Variants in EXT1 observed in about 807,000 individuals in gnomAD.
EXT1 encodes the protein exostosin-1.
A neutral mutation model predicts 82.5 loss-of-function variants in EXT1; 20 were observed. That is an observed-to-expected ratio of 0.24 (90% CI 0.17 to 0.35). EXT1 has a LOEUF of 0.35. EXT1 is among the 10% of genes least tolerant of loss of function. The probability of loss-of-function intolerance (pLI) is 1.00; values close to 1 mark genes in which losing one functional copy is unlikely to be tolerated. For missense variants in EXT1, 757 were observed against 936.5 expected, an observed-to-expected ratio of 0.81 and a Z score of 2.50; for synonymous variants, 348 against 350.8, an observed-to-expected ratio of 0.99 and a Z score of 0.09.
chr8:118,093,268 C>CAAAAAAAAAAAAAAAAAAAAAA (rs10594150), intron 1 of EXT1, among the ~76,000 whole-genome samples: 1 of 66,784 alleles, frequency 1.5e-5, no homozygotes, highest in African/African-American at 6.3e-5. Flanking sequence ...AAATTCCCAG[C>CAAAAAAAAAAAAAAAAAAAAAA]AAAAAAAAAA....
intron 1 of EXT1, among the ~76,000 whole-genome samples, chr8:117,975,193 G>A (rs1418067609): frequency 2.0e-5 from 3 of 152,274 alleles, no homozygotes; most frequent in African/African-American, 7.2e-5. Flanking sequence ...TCTTTGGAAT[G>A]AGCCAAAAGT....
intron 1 of EXT1, among the ~76,000 whole-genome samples, chr8:118,032,412 T>C (rs891529336): frequency 3.3e-5 from 5 of 151,994 alleles, no homozygotes; most frequent in Admixed American, 6.6e-5. Flanking sequence ...AAAGATTTTT[T>C]TCAGGGTCTG....
intron 1 of EXT1, among the ~76,000 whole-genome samples, chr8:118,009,026 G>A (rs180801612): frequency 2.6e-5 from 4 of 152,222 alleles, no homozygotes; most frequent in Non-Finnish European, 5.9e-5. Flanking sequence ...AAAAGGAAAC[G>A]GGAAAGTAGG....
chr8:117,998,177 C>T (rs1815587702), intron 1 of EXT1, among the ~76,000 whole-genome samples: 1 of 151,884 alleles, frequency 6.6e-6, no homozygotes, highest in African/African-American at 2.4e-5. Context: ...ACATGCCCGG[C>T]TAATTTTTGT....
rs1036390825 is a variant in EXT1, at chr8:117,810,442, C to A, written c.1722+2430G>T. ...TATCATTTTCAACCCACGTTGACTTCTAATTACTTCACATACAACACATGT... is the reference window on the plus strand; with the variant it reads ...TATCATTTTCAACCCACGTTGACTTATAATTACTTCACATACAACACATGT... On this transcript the variant is annotated intron_variant, in intron 8 of 10. Transcript: ENST00000378204. Among the ~76,000 whole-genome samples the A allele has an allele frequency of 2.0e-5, 3 of 152,242 alleles. No individual in the cohort carries two copies. In the South Asian group the frequency reaches 6.2e-4, roughly 32 times the overall value.
At chr8:117,818,657 G>A in intron 6 of EXT1, 127 bp from the exon 7 acceptor site, 1 of 759,916 alleles carries the variant, frequency 1.3e-6, no homozygotes, top group Non-Finnish European at 2.3e-6. Flanking sequence ...CAAAACGGCA[G>A]ACATCAAAAC....
At chr8:117,817,730 T>C (rs1014470286) in intron 7 of EXT1, among the ~76,000 whole-genome samples, 6 of 151,952 alleles carry the variant, frequency 3.9e-5, no homozygotes, top group Non-Finnish European at 8.8e-5. Flanking sequence ...TCAAATGTAG[T>C]AGGGGGCAGG....
At chr8:117,891,615 T>C (rs1208544655) in intron 1 of EXT1, among the ~76,000 whole-genome samples, 6 of 152,172 alleles carry the variant, frequency 3.9e-5, no homozygotes, top group Non-Finnish European at 8.8e-5. Flanking sequence ...ATGCTTTTCC[T>C]ATGAACTCAA....
At chr8:117,979,539 A>G (rs367943003) in intron 1 of EXT1, among the ~76,000 whole-genome samples, 1 of 152,132 alleles carries the variant, frequency 6.6e-6, no homozygotes, top group African/African-American at 2.4e-5. Flanking sequence ...AAAAATGAAA[A>G]AAAAAAAATC....
intron 1 of EXT1, among the ~76,000 whole-genome samples, chr8:118,096,711 G>A (rs1273424769): frequency 6.7e-6 from 1 of 149,286 alleles, no homozygotes. Flanking sequence ...AAGGAGGGAG[G>A]GAAGGAAAGG....
chr8:117,965,830 T>G (rs1043414553), intron 1 of EXT1, among the ~76,000 whole-genome samples: 4 of 152,172 alleles, frequency 2.6e-5, no homozygotes, highest in African/African-American at 7.2e-5. Flanking sequence ...GTGCTAACTA[T>G]TCACGTAGAT....
intron 1 of EXT1, among the ~76,000 whole-genome samples, chr8:117,963,551 C>T (rs1465969116): frequency 6.6e-6 from 1 of 152,020 alleles, no homozygotes; most frequent in East Asian, 1.9e-4. Context: ...ACTGCAGTGC[C>T]AGGATCTCAA....
At chr8:117,843,991 G>C (rs919005351) in intron 1 of EXT1, among the ~76,000 whole-genome samples, 2 of 152,002 alleles carry the variant, frequency 1.3e-5, no homozygotes, top group African/African-American at 4.8e-5. Flanking sequence ...CAATTTAAAA[G>C]GGCTGTTTCT....
At chr8:117,963,934 C>A (rs906469830) in intron 1 of EXT1, among the ~76,000 whole-genome samples, 12 of 152,238 alleles carry the variant, frequency 7.9e-5, no homozygotes, top group African/African-American at 2.9e-4. Context: ...TTACATGCAA[C>A]CCACATCCCC....
At chr8:118,017,082 A>T (rs1816017396) in intron 1 of EXT1, among the ~76,000 whole-genome samples, 1 of 152,234 alleles carries the variant, frequency 6.6e-6, no homozygotes, top group Non-Finnish European at 1.5e-5. Context: ...TCCCAGACGG[A>T]CCGGTATAAT....
At chr8:118,091,195 G>A (rs1817518428) in intron 1 of EXT1, among the ~76,000 whole-genome samples, 1 of 152,160 alleles carries the variant, frequency 6.6e-6, no homozygotes, top group South Asian at 2.1e-4. Context: ...TAGACAATAC[G>A]ATGCAGCTCA....
intron 1 of EXT1, among the ~76,000 whole-genome samples, chr8:117,993,343 A>G (rs772819090): frequency 6.6e-6 from 1 of 152,222 alleles, no homozygotes; most frequent in Non-Finnish European, 1.5e-5. Context: ...CAACTATAAG[A>G]ACTAAACTTG....
At chr8:117,990,792 G>A (rs528502014) in intron 1 of EXT1, among the ~76,000 whole-genome samples, 1 of 152,288 alleles carries the variant, frequency 6.6e-6, no homozygotes, top group East Asian at 1.9e-4. Flanking sequence ...TCTAGGCACC[G>A]TGCATGGAGG....
At chr8:117,837,066 C>G in intron 2 of EXT1, 42 bp downstream of exon 2, 1 of 1,417,098 alleles carries the variant, frequency 7.1e-7, no homozygotes, top group Non-Finnish European at 1.0e-6. Context: ...AATCTGGCTT[C>G]GGTCCTCAGC....
Sources: allele counts gnomAD v4.1 joint callset (sites outside exome capture counted in the v4.1 genomes callset), GRCh38; gene constraint gnomAD v4.1.1; transcripts MANE v1.5; gene names NCBI Gene and HGNC (gene_info 2026-07-23, HGNC 2026-07-21).